The following UBE3C variants were observed in gnomAD, a reference collection of about 807,000 sequenced individuals.
UBE3C encodes ubiquitin-protein ligase E3C.
In UBE3C, 42 loss-of-function variants were observed where a neutral mutation model predicts 129.4. The ratio of observed to expected loss-of-function variants is 0.32; its 90% confidence interval spans 0.25 to 0.42. The LOEUF is 0.42. Ranked by LOEUF, UBE3C falls within the 10% of genes least tolerant of loss-of-function variation. The probability of loss-of-function intolerance (pLI) is 1.00; values close to 1 mark genes in which losing one functional copy is unlikely to be tolerated. For synonymous variants in UBE3C, 510 were observed against 492.4 expected (o/e 1.04, Z -0.47); for missense variants, 1,049 against 1,319.1 (o/e 0.80, Z 3.17).
rs764433080 is a variant in UBE3C, at chr7:157,181,561, A to C, written c.660A>C (p.Pro220=). 6.2e-7 allele frequency: 1 copy of C among 1,612,860 alleles called. No individual in the cohort carries two copies. Among genetic ancestry groups the C allele is most frequent in the South Asian group, 1.1e-5 (1 of 90,760 alleles). The change falls in exon 7 of 23, where the codon CCA becomes CCC. Residue 220 remains proline (P), a synonymous_variant. Transcript: ENST00000348165. ...SLYLLINSKL[P]SSIEYSDLSR... ...ATTTGTTGATTAACAGCAAGCTTCC[A>C]TCAAGTATTGAATATTCTGATTTAT... is the stretch of plus-strand genomic sequence containing the variant.
intron 22 of UBE3C, among the ~76,000 whole-genome samples, chr7:157,263,873 T>A (rs1195669303): frequency 6.6e-6 from 1 of 152,050 alleles, no homozygotes; most frequent in African/African-American, 2.4e-5. Flanking sequence ...TTTTTATGTT[T>A]CCTTCCTTTA....
intron 1 of UBE3C, among the ~76,000 whole-genome samples, chr7:157,150,073 C>T (rs1023636977): frequency 6.6e-6 from 1 of 152,102 alleles, no homozygotes; most frequent in Non-Finnish European, 1.5e-5. Flanking sequence ...TTGGTTATAA[C>T]AGATTTATCA....
intron 1 of UBE3C, among the ~76,000 whole-genome samples, chr7:157,142,370 C>T (rs574804091): frequency 5.6e-4 from 85 of 151,702 alleles, no homozygotes; most frequent in Admixed American, 2.0e-3. Context: ...CTGTGTACGA[C>T]AAGTCTGACT....
At chr7:157,218,569 G>A (rs1439318780) in intron 14 of UBE3C, among the ~76,000 whole-genome samples, 1 of 152,182 alleles carries the variant, frequency 6.6e-6, no homozygotes, top group African/African-American at 2.4e-5. Context: ...TAAGCCTGTT[G>A]CATCTAACTC....
chr7:157,164,304 A>G (rs1021988190), intron 2 of UBE3C: 1 of 454,562 alleles, frequency 2.2e-6, no homozygotes, highest in South Asian at 1.6e-5. Flanking sequence ...CTACAGGTGC[A>G]TGCCACCATG....
intron 10 of UBE3C, chr7:157,197,719 A>G (rs1809161763): frequency 6.2e-7 from 1 of 1,610,332 alleles, no homozygotes; most frequent in African/African-American, 1.3e-5. Flanking sequence ...AGAGCTGCAA[A>G]TTCAGGACAA....
At position 157,207,719 on chromosome 7, in the gene UBE3C, A is replaced by G. The variant is rs1809472970; in HGVS notation, c.1593A>G (p.Gln531=). The G allele has an allele frequency of 6.2e-7, 1 of 1,613,238 alleles. No individual in the cohort carries two copies. Among genetic ancestry groups the G allele is most frequent in the Admixed American group, 1.7e-5 (1 of 59,774 alleles). The change falls in exon 13 of 23, where the codon CAA becomes CAG. Residue 531 remains glutamine, a synonymous_variant. Transcript: ENST00000348165. The stretch of plus-strand genomic sequence containing the variant: ...GTTTTTTAGTTGTAGGTCAAAGACA[A>G]TCATCAATGATGCCTTTTACTTTAG... The part of the protein sequence containing the change: ...GDPIEVVGQR[Q]SSMMPFTLEE...
At chr7:157,189,941 C>T (rs1808910670) in intron 10 of UBE3C, among the ~76,000 whole-genome samples, 1 of 152,102 alleles carries the variant, frequency 6.6e-6, no homozygotes, top group Non-Finnish European at 1.5e-5. Flanking sequence ...GCTGAGATTA[C>T]GGGCACCCAT....
intron 10 of UBE3C, chr7:157,198,575 C>T (rs1208371652): frequency 6.9e-6 from 2 of 290,150 alleles, no homozygotes; most frequent in Non-Finnish European, 1.3e-5. Flanking sequence ...TGTTCTGTCA[C>T]CCAGGCTGAA....
At chr7:157,265,843 G>A (rs114490742) in intron 22 of UBE3C, among the ~76,000 whole-genome samples, 2,070 of 152,302 alleles carry the variant, frequency 0.014, 41 homozygotes, top group African/African-American at 0.045. Context: ...TTTTCACACT[G>A]TACCTTTAAA....
chr7:157,180,637 A>G (rs1808643228), intron 6 of UBE3C, among the ~76,000 whole-genome samples: 1 of 152,226 alleles, frequency 6.6e-6, no homozygotes, highest in Admixed American at 6.5e-5. Flanking sequence ...TTCTTATTCT[A>G]TAAAAATGGA....
At chr7:157,219,769 T>C (rs1004005080) in intron 14 of UBE3C, among the ~76,000 whole-genome samples, 2 of 152,052 alleles carry the variant, frequency 1.3e-5, no homozygotes, top group Non-Finnish European at 2.9e-5. Flanking sequence ...CATAGTGGCA[T>C]GTGCCTGTAA....
intron 17 of UBE3C, among the ~76,000 whole-genome samples, chr7:157,227,336 GGGGCT>G (rs1483757745): frequency 6.6e-6 from 1 of 152,082 alleles, no homozygotes; most frequent in Non-Finnish European, 1.5e-5. Context: ...TGCAAGTGGG[GGGGCT>G]GTAAGCTCTT....
chr7:157,251,577 G>A (rs1038115508), intron 19 of UBE3C, among the ~76,000 whole-genome samples: 11 of 152,188 alleles, frequency 7.2e-5, no homozygotes, highest in Non-Finnish European at 1.5e-4. Flanking sequence ...GCTAATGGAA[G>A]TAGGTCATGT....
At position 157,268,588 on chromosome 7, in the gene UBE3C, C is replaced by T. The variant is rs573464770; in HGVS notation, c.*833C>T. ...ATTAAAGTTGTTTGAACCAAAGTGGCGGCTGCATCTTTGTCCCGATGCTAG... is the reference window on the plus strand; with the variant it reads ...ATTAAAGTTGTTTGAACCAAAGTGGTGGCTGCATCTTTGTCCCGATGCTAG... On this transcript the variant is annotated 3_prime_UTR_variant, in exon 23 of 23. Transcript: ENST00000348165. The T allele has an allele frequency of 2.0e-5, 3 of 152,748 alleles. No individual in the cohort carries two copies. The highest frequency in any genetic ancestry group is 1.9e-4 in the East Asian group (1 of 5,190). The allele number at this position is 152,748 out of a possible 1,614,324, so 9.5% of individuals were successfully genotyped here.
intron 19 of UBE3C, 96 bp downstream of exon 19, chr7:157,248,676 G>A (rs568180250): frequency 5.4e-5 from 71 of 1,310,324 alleles, no homozygotes; most frequent in Middle Eastern, 2.7e-4. Flanking sequence ...TTTGACTTCC[G>A]CACATTTTAG....
intron 10 of UBE3C, among the ~76,000 whole-genome samples, chr7:157,191,679 C>T (rs575870549): frequency 6.6e-6 from 1 of 152,282 alleles, no homozygotes; most frequent in Admixed American, 6.5e-5. Flanking sequence ...TGCTCTTTAG[C>T]TCTGAGAGAT....
At chr7:157,258,178 C>G (rs1419707651) in intron 22 of UBE3C, among the ~76,000 whole-genome samples, 1 of 151,962 alleles carries the variant, frequency 6.6e-6, no homozygotes, top group Non-Finnish European at 1.5e-5. Context: ...AACTCCTGGG[C>G]CCAAGAAATC....
chr7:157,188,514 A>C (rs953286448), intron 10 of UBE3C, among the ~76,000 whole-genome samples: 98 of 152,336 alleles, frequency 6.4e-4, no homozygotes, highest in African/African-American at 2.1e-3. Context: ...CAGCAGCTGA[A>C]CCAGGACACT....
Sources: gnomAD v4.1 joint callset for allele counts (sites outside exome capture counted in the v4.1 genomes callset) on GRCh38, gnomAD v4.1.1 for gene constraint, MANE v1.5 for transcripts, NCBI Gene and HGNC (gene_info 2026-07-23, HGNC 2026-07-21) for gene names.